LRP1B: variants seen among roughly 807,000 people sequenced by gnomAD.
LRP1B encodes the protein low-density lipoprotein receptor-related protein 1B.
LRP1B carries 217 observed loss-of-function variants against 556.6 expected under a neutral mutation model. That is an observed-to-expected ratio of 0.39 (90% CI 0.35 to 0.44). The LOEUF (loss-of-function observed/expected upper bound fraction) is 0.44. LRP1B is among the 20% of genes least tolerant of loss of function. The pLI, the probability that LRP1B is intolerant of heterozygous loss-of-function variation, is 1.00. For missense variants in LRP1B, 5,053 were observed against 5,620.8 expected (o/e 0.90, Z 3.23); for synonymous variants, 2,047 against 1,865.8 (o/e 1.10, Z -2.50).
chr2:140,936,947 A>G (rs1041037882), intron 20 of LRP1B, among the ~76,000 whole-genome samples: 31 of 152,158 alleles, frequency 2.0e-4, no homozygotes, highest in Non-Finnish European at 4.1e-4. Flanking sequence ...ATTTTGTGAC[A>G]TCAATAACTG....
At chr2:141,465,736 G>A (rs754283980) in intron 3 of LRP1B, among the ~76,000 whole-genome samples, 13 of 151,942 alleles carry the variant, frequency 8.6e-5, no homozygotes, top group Non-Finnish European at 1.9e-4. Context: ...TTTTTGTAGA[G>A]ACAGGTTTTT....
At chr2:141,439,141 T>C (rs1051709514) in intron 3 of LRP1B, among the ~76,000 whole-genome samples, 1 of 152,132 alleles carries the variant, frequency 6.6e-6, no homozygotes, top group Non-Finnish European at 1.5e-5. Context: ...TTTCTAATTG[T>C]TTTGCCTTAA....
intron 7 of LRP1B, among the ~76,000 whole-genome samples, chr2:141,106,250 T>C (rs995960871): frequency 1.3e-5 from 2 of 152,178 alleles, no homozygotes; most frequent in Non-Finnish European, 2.9e-5. Flanking sequence ...GTATTCTAAA[T>C]AGTTTAGGGA....
At chr2:140,761,237 A>G (rs1387265408) in intron 35 of LRP1B, among the ~76,000 whole-genome samples, 1 of 152,230 alleles carries the variant, frequency 6.6e-6, no homozygotes, top group Admixed American at 6.5e-5. Flanking sequence ...GCCAGAATAT[A>G]GAAGCTGTCC....
At chr2:141,384,486 T>C (rs1042854127) in intron 3 of LRP1B, among the ~76,000 whole-genome samples, 2 of 152,114 alleles carry the variant, frequency 1.3e-5, no homozygotes, top group African/African-American at 4.8e-5. Context: ...TTAAATAACA[T>C]AAAAGAAACA....
chr2:141,860,751 TAGAG>T (rs1199621215), intron 1 of LRP1B, among the ~76,000 whole-genome samples: 98 of 152,194 alleles, frequency 6.4e-4, no homozygotes, highest in East Asian at 5.8e-4. Flanking sequence ...GAAGCTTGCT[TAGAG>T]AGAATTGTAG....
intron 7 of LRP1B, among the ~76,000 whole-genome samples, chr2:141,161,683 T>A (rs1680040309): frequency 6.6e-6 from 1 of 152,112 alleles, no homozygotes; most frequent in African/African-American, 2.4e-5. Context: ...GAAGGCAGAT[T>A]TATTGTCCAA....
At chr2:140,264,791 C>T (rs1682124133) in intron 86 of LRP1B, among the ~76,000 whole-genome samples, 1 of 150,402 alleles carries the variant, frequency 6.6e-6, no homozygotes, top group Non-Finnish European at 1.5e-5. Context: ...GATGTTAAGT[C>T]CAATTCAATC....
chr2:141,047,367 C>T (rs537696865), intron 11 of LRP1B, among the ~76,000 whole-genome samples: 102 of 152,094 alleles, frequency 6.7e-4, no homozygotes, highest in Middle Eastern at 3.4e-3. Context: ...AGAAAGTATA[C>T]TTTTTATCAG....
At chr2:140,709,438 G>A (rs1335013450) in intron 37 of LRP1B, among the ~76,000 whole-genome samples, 1 of 148,980 alleles carries the variant, frequency 6.7e-6, no homozygotes, top group African/African-American at 2.4e-5. Context: ...AGGAGGGGGA[G>A]GAGGAGCAGG....
chr2:140,243,551 G>GT (rs1378249238), intron 87 of LRP1B, among the ~76,000 whole-genome samples: 6 of 151,212 alleles, frequency 4.0e-5, no homozygotes, highest in African/African-American at 1.5e-4. Flanking sequence ...ATGTATAAAT[G>GT]TAGAGTATAT....
chr2:140,278,122 ATG>A (rs1454766572), intron 84 of LRP1B, among the ~76,000 whole-genome samples: 2 of 151,940 alleles, frequency 1.3e-5, no homozygotes, highest in African/African-American at 4.8e-5. Flanking sequence ...GACACAAAAT[ATG>A]TATACTACAT....
intron 2 of LRP1B, among the ~76,000 whole-genome samples, chr2:141,527,638 C>T (rs568052519): frequency 2.6e-5 from 4 of 152,018 alleles, no homozygotes; most frequent in African/African-American, 7.2e-5. Flanking sequence ...ACTGTCTATA[C>T]CAAAATGAAT....
chr2:141,440,516 C>G (rs537655900), intron 3 of LRP1B, among the ~76,000 whole-genome samples: 1 of 152,302 alleles, frequency 6.6e-6, no homozygotes, highest in East Asian at 1.9e-4. Flanking sequence ...GAACAACATG[C>G]GAGGGCTGGG....
chr2:140,517,596 A>G (rs569433999), intron 49 of LRP1B, among the ~76,000 whole-genome samples: 1 of 152,126 alleles, frequency 6.6e-6, no homozygotes, highest in Non-Finnish European at 1.5e-5. Flanking sequence ...ATTATCATAA[A>G]AAAGTACCTG....
chr2:141,743,000 C>T (rs1219378072), intron 2 of LRP1B, among the ~76,000 whole-genome samples: 2 of 151,798 alleles, frequency 1.3e-5, no homozygotes, highest in African/African-American at 2.4e-5. Context: ...AACAGTTTTT[C>T]GGTGGTCCTT....
At chr2:140,879,521 G>C (rs995716838) in intron 25 of LRP1B, among the ~76,000 whole-genome samples, 3 of 152,170 alleles carry the variant, frequency 2.0e-5, no homozygotes, top group African/African-American at 4.8e-5. Context: ...CCCTAGAAGT[G>C]TTCTTAACCT....
chr2:141,153,314 T>C (rs1259650242), intron 7 of LRP1B, among the ~76,000 whole-genome samples: 1 of 120,362 alleles, frequency 8.3e-6, no homozygotes, highest in African/African-American at 3.0e-5. Context: ...ATTATATATA[T>C]TAGCTATATA....
In LRP1B at chr2:140,939,107, GA is replaced by G. The variant is rs1175826948; in HGVS notation, c.3136+11127del. ...GATCTGGGGGTAAGATAAAGAAAGA[GA>G]AAAAAAGTACTACAAGGGATGGATT... On this transcript the variant is annotated intron_variant, in intron 20 of 90. Coordinates refer to ENST00000389484, the MANE Select transcript of LRP1B (RefSeq NM_018557.3). Among the ~76,000 whole-genome samples, 5 of 151,842 alleles carry G rather than the reference GA, an allele frequency of 3.3e-5. No individual in the cohort carries two copies. The South Asian group carries it at 6.2e-4, about 19-fold the overall frequency.
Sources: allele counts gnomAD v4.1 joint callset (sites outside exome capture counted in the v4.1 genomes callset), GRCh38; gene constraint gnomAD v4.1.1; transcripts MANE v1.5; gene names NCBI Gene and HGNC (gene_info 2026-07-23, HGNC 2026-07-21).